The following SEC14L1 variants were observed in gnomAD, a reference collection of about 807,000 sequenced individuals.
SEC14L1 encodes SEC14 like lipid binding 1, also known as SEC14-like protein 1.
Under a neutral mutation model 85.3 loss-of-function variants are expected in SEC14L1, and 48 were observed. The observed-to-expected ratio is 0.56, with a 90% confidence interval of 0.45 to 0.72. The LOEUF is 0.72. SEC14L1 is among the 30% of genes least tolerant of loss of function. The pLI, the probability that SEC14L1 is intolerant of heterozygous loss-of-function variation, is 0.00. For missense variants in SEC14L1, 682 were observed against 921.4 expected (o/e 0.74, Z 3.36); for synonymous variants, 391 against 355.5 (o/e 1.10, Z -1.12).
In SEC14L1 at chr17:77,197,859, G is replaced by A. The variant is rs8080121; in HGVS notation, c.819+1548G>A. 3.5e-3 allele frequency among the ~76,000 whole-genome samples: 540 copies of A among 152,304 alleles called. 1 individual carries two copies. Among genetic ancestry groups the A allele is most frequent in the African/African-American group, 0.012 (515 of 41,572 alleles). On this transcript the variant is annotated intron_variant, in intron 8 of 16. Transcript: ENST00000436233. The stretch of plus-strand genomic sequence containing the variant: ...GACCTCAAGTGATCCGCCTGCCTTA[G>A]CCTCCCAAAGGGCTGGGATTACAGG...
At chr17:77,106,705 C>T (rs180792190) in intron 3 of SEC14L1, among the ~76,000 whole-genome samples, 1 of 149,890 alleles carries the variant, frequency 6.7e-6, no homozygotes, top group Non-Finnish European at 1.5e-5. Context: ...GTGTGGTGGC[C>T]CGCACCTGTG....
intron 2 of SEC14L1, 79 bp from the exon 3 acceptor site, chr17:77,143,488 G>T: frequency 1.3e-6 from 1 of 763,760 alleles, no homozygotes; most frequent in African/African-American, 1.7e-5. Context: ...TTAGAGTGTG[G>T]TATGATGTGT....
chr17:77,211,285 C>G (rs140847771), intron 14 of SEC14L1: 1 of 153,028 alleles, frequency 6.5e-6, no homozygotes, highest in African/African-American at 2.4e-5. Flanking sequence ...TGCACAGCTG[C>G]TTTTCATTCT....
chr17:77,101,398 G>A (rs190758479), intron 3 of SEC14L1, among the ~76,000 whole-genome samples: 161 of 152,008 alleles, frequency 1.1e-3, no homozygotes, highest in African/African-American at 3.7e-3. Flanking sequence ...GGCTGGTCCC[G>A]AACTCCTGAC....
intron 3 of SEC14L1, among the ~76,000 whole-genome samples, chr17:77,105,384 C>CG (rs58468080): frequency 5.4e-4 from 57 of 105,214 alleles, no homozygotes; most frequent in African/African-American, 1.9e-3. Flanking sequence ...CCCCCCCCCC[C>CG]ACCCCACGTA....
Position 77,213,866 on chromosome 17 carries a change from G to T in SEC14L1, c.2043-52G>T. On this transcript the variant is annotated intron_variant, in intron 16 of 16. Coordinates refer to ENST00000436233, the MANE Select transcript of SEC14L1 (RefSeq NM_001143998.2). The surrounding 1 kb of genome is among the most constrained non-coding windows in gnomAD (Gnocchi z 7.1). ...AGTCCAGCAGGCAGTGTGGGCCGGC[G>T]GGTGGTTGGCAGGGTGGTCCTCACG... The T allele has an allele frequency of 6.2e-7, 1 of 1,603,966 alleles. No homozygotes were observed. The highest frequency in any genetic ancestry group is 1.1e-5 in the South Asian group (1 of 90,458).
At position 77,089,535 on chromosome 17, in the gene SEC14L1, C is replaced by A. The variant is rs752730479; in HGVS notation, c.-240+264C>A. On this transcript the variant is annotated intron_variant, in intron 2 of 19. Coordinates refer to the SEC14L1 transcript ENST00000392476. Reference sequence around the variant, plus strand: ...ATGGTTGTAGTTAGTATCAGAGAGCCCTTGCTTTTCAAAACTTCATAAACA... The same window carrying A: ...ATGGTTGTAGTTAGTATCAGAGAGCACTTGCTTTTCAAAACTTCATAAACA... 1.0e-4 allele frequency: 48 copies of A among 476,968 alleles called. 1 individual carries two copies. Among genetic ancestry groups the A allele is most frequent in the South Asian group, 7.4e-4 (48 of 65,224 alleles). The allele number at this position is 476,968 out of a possible 1,614,324, so 29.5% of individuals were successfully genotyped here.
chr17:77,151,582 AT>A (rs1165729417), intron 3 of SEC14L1, among the ~76,000 whole-genome samples: 1 of 8,190 alleles, frequency 1.2e-4, no homozygotes, highest in Non-Finnish European at 3.4e-4. Flanking sequence ...CGCCTCTCTG[AT>A]TTACCTGGTT....
intron 3 of SEC14L1, among the ~76,000 whole-genome samples, chr17:77,167,537 G>A: frequency 6.6e-6 from 1 of 152,078 alleles, no homozygotes; most frequent in Non-Finnish European, 1.5e-5. Flanking sequence ...TTATTTTTTA[G>A]AGCAATTACA....
intron 8 of SEC14L1, among the ~76,000 whole-genome samples, chr17:77,200,283 C>T (rs1302735544): frequency 6.6e-6 from 1 of 152,086 alleles, no homozygotes; most frequent in African/African-American, 2.4e-5. Flanking sequence ...GATCCGCCTG[C>T]TTCAGCCTCC....
intron 9 of SEC14L1, 147 bp from the exon 10 acceptor site, chr17:77,203,423 A>G: frequency 1.5e-6 from 1 of 672,590 alleles, no homozygotes; most frequent in Non-Finnish European, 2.5e-6. Context: ...CTATCACACA[A>G]ATCAGTTGCC....
chr17:77,143,737 T>C, intron 3 of SEC14L1, 78 bp downstream of exon 3: 1 of 1,073,518 alleles, frequency 9.3e-7, no homozygotes, highest in Admixed American at 1.9e-5. Context: ...GATCTATAGA[T>C]TTATTGTTCG....
intron 13 of SEC14L1, among the ~76,000 whole-genome samples, chr17:77,208,799 G>A (rs773407805): frequency 6.6e-6 from 1 of 152,234 alleles, no homozygotes; most frequent in Non-Finnish European, 1.5e-5. Context: ...AGGTCAATTA[G>A]GAGATTTATG....
chr17:77,148,458 T>A (rs1973412270), intron 3 of SEC14L1, among the ~76,000 whole-genome samples: 2 of 152,188 alleles, frequency 1.3e-5, no homozygotes, highest in African/African-American at 4.8e-5. Flanking sequence ...GTGCCGTTTC[T>A]GTCTGGGCTT....
chr17:77,134,143 T>G (rs1398914114), intron 3 of SEC14L1, among the ~76,000 whole-genome samples: 1 of 152,076 alleles, frequency 6.6e-6, no homozygotes, highest in Non-Finnish European at 1.5e-5. Context: ...TGATGTCACT[T>G]ACCCTGCCCG....
At chr17:77,097,303 C>T (rs1248144747) in intron 3 of SEC14L1, among the ~76,000 whole-genome samples, 1 of 152,202 alleles carries the variant, frequency 6.6e-6, no homozygotes. Flanking sequence ...CGGTGGCTCA[C>T]GCCTGTAATC....
chr17:77,143,787 T>G, intron 3 of SEC14L1, 128 bp downstream of exon 3: 1 of 666,916 alleles, frequency 1.5e-6, no homozygotes, highest in East Asian at 2.8e-5. Context: ...TTTTTATGCT[T>G]ATGAACCGTA....
intron 3 of SEC14L1, among the ~76,000 whole-genome samples, chr17:77,117,257 G>A (rs1972192151): frequency 6.6e-6 from 1 of 152,162 alleles, no homozygotes; most frequent in African/African-American, 2.4e-5. Flanking sequence ...TGAGGAGGGA[G>A]AATTGCTTGA....
intron 6 of SEC14L1, among the ~76,000 whole-genome samples, chr17:77,193,990 A>G (rs1029184215): frequency 4.6e-5 from 7 of 152,198 alleles, no homozygotes; most frequent in African/African-American, 1.7e-4. Context: ...GTGGTTTTGA[A>G]ATCTATCCGT....
Sources: allele counts gnomAD v4.1 joint callset (sites outside exome capture counted in the v4.1 genomes callset), GRCh38; gene constraint gnomAD v4.1.1; non-coding constraint Gnocchi (gnomAD v3.1); transcripts MANE v1.5; gene names NCBI Gene and HGNC (gene_info 2026-07-23, HGNC 2026-07-21).